Variants in DGLUCY observed in about 807,000 individuals in gnomAD.
DGLUCY encodes D-glutamate cyclase, mitochondrial.
In DGLUCY, 58 loss-of-function variants were observed where a neutral mutation model predicts 58.5. The observed-to-expected ratio is 0.99, with a 90% CI of 0.80 to 1.23. The LOEUF (loss-of-function observed/expected upper bound fraction) is 1.23. Ranked by LOEUF, DGLUCY falls within the 50% of genes most tolerant of loss-of-function variation. The probability of loss-of-function intolerance (pLI) is 0.00; values close to 1 mark genes in which losing one functional copy is unlikely to be tolerated. For missense variants in DGLUCY, 779 were observed against 784.7 expected (o/e 0.99, Z 0.09); for synonymous variants, 325 against 314.1 (o/e 1.03, Z -0.37).
intron 1 of DGLUCY, among the ~76,000 whole-genome samples, chr14:91,116,914 A>G (rs1390163060): frequency 2.0e-5 from 3 of 148,916 alleles, no homozygotes; most frequent in Non-Finnish European, 3.0e-5. Flanking sequence ...ACTGCACTCC[A>G]GCCTGGCGAC....
intron 1 of DGLUCY, among the ~76,000 whole-genome samples, chr14:91,079,259 A>G (rs1415102990): frequency 6.6e-6 from 1 of 152,018 alleles, no homozygotes; most frequent in Non-Finnish European, 1.5e-5. Flanking sequence ...TGAGCGCAAT[A>G]TTATACGCTG....
intron 1 of DGLUCY, among the ~76,000 whole-genome samples, chr14:91,074,622 T>C (rs17224341): frequency 0.02 from 3,056 of 152,308 alleles, 41 homozygotes; most frequent in Middle Eastern, 0.051. Context: ...AATTAAGTAT[T>C]CCACAGACTG....
intron 1 of DGLUCY, among the ~76,000 whole-genome samples, chr14:91,123,256 A>G (rs955190311): frequency 1.3e-5 from 2 of 152,222 alleles, no homozygotes; most frequent in Non-Finnish European, 2.9e-5. Flanking sequence ...CAGAACATTT[A>G]TAAGAGCAGG....
chr14:91,163,268 G>GA lies in DGLUCY; in HGVS notation c.103+2882dup, dbSNP rs112323869. ...GAGTGAGACTCCGTCTCAAAAAAAA[G>GA]AAAAAAAAAAATCCAGTTTGTTCTC... is the stretch of plus-strand genomic sequence containing the variant. On this transcript the variant is annotated intron_variant, in intron 3 of 13. Coordinates refer to ENST00000256324, the MANE Select transcript of DGLUCY (RefSeq NM_001102368.3). Among the ~76,000 whole-genome samples the GA allele has an allele frequency of 4.9e-3, 719 of 146,620 alleles. 6 individuals are homozygous for GA. Among genetic ancestry groups the GA allele is most frequent in the African/African-American group, 0.014 (551 of 40,468 alleles).
At chr14:91,206,916 A>G (rs1478181269) in intron 12 of DGLUCY, among the ~76,000 whole-genome samples, 1 of 152,124 alleles carries the variant, frequency 6.6e-6, no homozygotes, top group African/African-American at 2.4e-5. Flanking sequence ...TAATGCAAGC[A>G]GAGACATGAA....
intron 1 of DGLUCY, among the ~76,000 whole-genome samples, chr14:91,119,988 C>A (rs1241462785): frequency 6.6e-6 from 1 of 152,200 alleles, no homozygotes; most frequent in Non-Finnish European, 1.5e-5. Context: ...CTGAAGGCTG[C>A]ATTGTTGGCT....
intron 1 of DGLUCY, among the ~76,000 whole-genome samples, chr14:91,143,328 C>T (rs2046838341): frequency 6.6e-6 from 1 of 152,054 alleles, no homozygotes; most frequent in Non-Finnish European, 1.5e-5. Flanking sequence ...ATCTCCTGAC[C>T]TCGTGATCTG....
Position 91,210,210 on chromosome 14 carries a change from A to G in DGLUCY, c.1565-5195A>G, listed in dbSNP as rs146549450. ...ACTTGAGGAGGCAGAGGTTGCAGTG[A>G]GCCAAGATTGCCCCAAAAAAAGTTG... On this transcript the variant is annotated intron_variant, in intron 12 of 13. Coordinates refer to ENST00000256324, the MANE Select transcript of DGLUCY (RefSeq NM_001102368.3). Among the ~76,000 whole-genome samples, 863 of 152,276 alleles carry G rather than the reference A, an allele frequency of 5.7e-3. 7 individuals carry two copies. The highest frequency in any genetic ancestry group is 0.019 in the African/African-American group (789 of 41,550).
chr14:91,076,415 C>T (rs1208791090), intron 1 of DGLUCY, among the ~76,000 whole-genome samples: 2 of 152,120 alleles, frequency 1.3e-5, no homozygotes, highest in Admixed American at 1.3e-4. Flanking sequence ...GCAGTTGTTA[C>T]ACTGTATGGG....
intron 13 of DGLUCY, among the ~76,000 whole-genome samples, chr14:91,217,018 C>T (rs75301684): frequency 0.016 from 2,390 of 152,320 alleles, 71 homozygotes; most frequent in African/African-American, 0.055. Context: ...AGCTCCGCCC[C>T]CAACACCAAT....
chr14:91,111,386 G>A (rs2044699342), upstream of DGLUCY, among the ~76,000 whole-genome samples: 2 of 151,704 alleles, frequency 1.3e-5, no homozygotes, highest in Admixed American at 6.6e-5. Context: ...AGATTCAAGC[G>A]ATTTTCCTGC....
At position 91,161,810 on chromosome 14, in the gene DGLUCY, A is replaced by AT. The variant is rs3028460; in HGVS notation, c.103+1432dup. On this transcript the variant is annotated intron_variant, in intron 3 of 13. Transcript: ENST00000256324. ...TGCAAAAGTAATTGCGATTTTTGCC[A>AT]TTTTTTTTTTTTTTTTTTTAAATAA... Among the ~76,000 whole-genome samples, 78 of 148,056 alleles carry AT rather than the reference A, an allele frequency of 5.3e-4. 1 individual carries two copies. Among genetic ancestry groups the AT allele is most frequent in the African/African-American group, 1.7e-3 (69 of 40,114 alleles).
intron 6 of DGLUCY, among the ~76,000 whole-genome samples, chr14:91,175,126 G>A (rs1280456863): frequency 1.3e-5 from 2 of 152,134 alleles, no homozygotes; most frequent in South Asian, 2.1e-4. Flanking sequence ...TCGAAGCAAC[G>A]TCTAATCTGG....
chr14:91,097,410 C>A (rs1388602091), intron 1 of DGLUCY, among the ~76,000 whole-genome samples: 2 of 151,784 alleles, frequency 1.3e-5, no homozygotes, highest in African/African-American at 4.8e-5. Context: ...AAAACAAAAA[C>A]AAAAAAAGCA....
At chr14:91,105,107 G>C (rs1383873313), upstream of DGLUCY, among the ~76,000 whole-genome samples, 1 of 152,152 alleles carries the variant, frequency 6.6e-6, no homozygotes, top group Non-Finnish European at 1.5e-5. Flanking sequence ...ACGAGGTCAA[G>C]AGTTTGAGAC....
chr14:91,074,161 AG>A (rs2043975550), intron 1 of DGLUCY, among the ~76,000 whole-genome samples: 1 of 128,624 alleles, frequency 7.8e-6, no homozygotes, highest in African/African-American at 3.3e-5. Context: ...ACACACACAC[AG>A]TCAAGCACCT....
intron 1 of DGLUCY, among the ~76,000 whole-genome samples, chr14:91,062,458 G>C (rs1373376071): frequency 6.7e-6 from 1 of 149,338 alleles, no homozygotes; most frequent in South Asian, 2.1e-4. Flanking sequence ...TGAGGCAGGA[G>C]AATTGCTTGA....
At chr14:91,148,133 C>T (rs575838882) in intron 1 of DGLUCY, among the ~76,000 whole-genome samples, 87 of 152,072 alleles carry the variant, frequency 5.7e-4, no homozygotes, top group African/African-American at 2.0e-3. Flanking sequence ...AAGATTGCAC[C>T]GCTGCACTCC....
chr14:91,061,364 AAG>A (rs1017713836), intron 1 of DGLUCY, among the ~76,000 whole-genome samples: 6 of 152,240 alleles, frequency 3.9e-5, no homozygotes, highest in African/African-American at 1.4e-4. Context: ...TGTTTCGTAC[AAG>A]ACTCTTACTA....
Sources: allele counts gnomAD v4.1 joint callset (sites outside exome capture counted in the v4.1 genomes callset), GRCh38; gene constraint gnomAD v4.1.1; transcripts MANE v1.5; gene names NCBI Gene and HGNC (gene_info 2026-07-23, HGNC 2026-07-21).